The following TLN2 variants were observed in gnomAD, a reference collection of about 807,000 sequenced individuals.
TLN2 encodes the protein talin 2, also known as talin-2.
In TLN2, 118 loss-of-function variants were observed where a neutral mutation model predicts 294.7. The observed-to-expected ratio is 0.40, with a 90% CI of 0.34 to 0.47. The LOEUF is 0.47. TLN2 is among the 20% of genes least tolerant of loss of function. The pLI, the probability that TLN2 is intolerant of heterozygous loss-of-function variation, is 0.84. For missense variants in TLN2, 3,083 were observed against 3,282.2 expected, an observed-to-expected ratio of 0.94 and a Z score of 1.48; for synonymous variants, 1,431 against 1,304.5, an observed-to-expected ratio of 1.10 and a Z score of -2.09.
At chr15:62,738,155 C>T in intron 29 of TLN2, 59 bp from the exon 30 acceptor site, 1 of 1,589,940 alleles carries the variant, frequency 6.3e-7, no homozygotes, top group South Asian at 1.1e-5. Context: ...CTGCCCATTC[C>T]CAACAAATGT....
chr15:62,396,718 C>CT (rs371686423), intron 1 of TLN2, among the ~76,000 whole-genome samples: 11,368 of 145,488 alleles, frequency 0.078, 556 homozygotes, highest in Middle Eastern at 0.19. Context: ...AGAAGGCTTT[C>CT]TTTTTTTTTT....
chr15:62,799,327 A>G (rs1262575778), intron 48 of TLN2, among the ~76,000 whole-genome samples: 1 of 152,154 alleles, frequency 6.6e-6, no homozygotes, highest in Non-Finnish European at 1.5e-5. Context: ...CCCTCAGTAA[A>G]GGGAAAATGT....
intron 26 of TLN2, among the ~76,000 whole-genome samples, chr15:62,724,481 A>G (rs1246382543): frequency 1.3e-5 from 2 of 152,336 alleles, no homozygotes; most frequent in South Asian, 2.1e-4. Flanking sequence ...TTACTAAGGG[A>G]AAAATATTTT....
chr15:62,555,263 A>C (rs1458069490), intron 1 of TLN2, among the ~76,000 whole-genome samples: 2 of 152,206 alleles, frequency 1.3e-5, no homozygotes, highest in African/African-American at 4.8e-5. Context: ...ATAGCAAGCA[A>C]ACTTTTTTTT....
At chr15:62,708,379 G>C in intron 20 of TLN2, 123 bp from the exon 21 acceptor site, 1 of 945,626 alleles carries the variant, frequency 1.1e-6, no homozygotes, top group South Asian at 1.5e-5. Flanking sequence ...AAACCGAGCA[G>C]TGGTCCTGTA....
At chr15:62,753,570 A>G (rs896827129) in intron 35 of TLN2, among the ~76,000 whole-genome samples, 3 of 152,230 alleles carry the variant, frequency 2.0e-5, no homozygotes, top group Non-Finnish European at 2.9e-5. Flanking sequence ...TGAGCCTGTG[A>G]TAAACTACTT....
At chr15:62,559,763 C>G (rs1003902452) in intron 1 of TLN2, among the ~76,000 whole-genome samples, 1 of 152,252 alleles carries the variant, frequency 6.6e-6, no homozygotes, top group African/African-American at 2.4e-5. Flanking sequence ...GAACTGGGGA[C>G]TGAGGCACTG....
chr15:62,643,298 C>G (rs1039676389), intron 3 of TLN2, among the ~76,000 whole-genome samples: 19 of 151,574 alleles, frequency 1.3e-4, no homozygotes, highest in African/African-American at 4.4e-4. Flanking sequence ...CTTGGAAAAA[C>G]TAAATCTTAA....
chr15:62,654,790 A>T (rs2053018739), intron 7 of TLN2, among the ~76,000 whole-genome samples: 1 of 149,990 alleles, frequency 6.7e-6, no homozygotes, highest in Non-Finnish European at 1.5e-5. Context: ...AAAGTAACAG[A>T]ATTCTGTTAC....
intron 1 of TLN2, among the ~76,000 whole-genome samples, chr15:62,453,210 G>A (rs959787491): frequency 8.5e-5 from 13 of 152,070 alleles, no homozygotes; most frequent in African/African-American, 3.1e-4. Flanking sequence ...TTGGGAGATG[G>A]GCAGATTTGA....
intron 11 of TLN2, among the ~76,000 whole-genome samples, chr15:62,681,009 T>G (rs113384044): frequency 0.016 from 2,507 of 152,338 alleles, 85 homozygotes; most frequent in African/African-American, 0.057. Context: ...GTCCACATCT[T>G]TGGCAGTTGT....
At chr15:62,488,316 C>T (rs905173044) in intron 1 of TLN2, among the ~76,000 whole-genome samples, 1 of 152,096 alleles carries the variant, frequency 6.6e-6, no homozygotes, top group African/African-American at 2.4e-5. Flanking sequence ...CGAAGGAGTA[C>T]AGATACTGGT....
intron 1 of TLN2, among the ~76,000 whole-genome samples, chr15:62,549,711 G>A (rs16945266): frequency 0.13 from 20,015 of 152,136 alleles, 1,397 homozygotes; most frequent in African/African-American, 0.18. Context: ...TCTCTCAACC[G>A]GAGGTGTCAG....
At chr15:62,534,706 G>A (rs907671926) in intron 1 of TLN2, among the ~76,000 whole-genome samples, 1 of 152,158 alleles carries the variant, frequency 6.6e-6, no homozygotes, top group African/African-American at 2.4e-5. Flanking sequence ...CTTCTCATCA[G>A]GTTTTGTGAC....
At chr15:62,525,369 A>G (rs7176966) in intron 1 of TLN2, among the ~76,000 whole-genome samples, 80,294 of 152,080 alleles carry the variant, frequency 0.53, 22,269 homozygotes, top group African/African-American at 0.71. Flanking sequence ...ATTAACTTGC[A>G]TATACAGATT....
intron 51 of TLN2, among the ~76,000 whole-genome samples, chr15:62,808,554 C>T (rs538634322): frequency 4.1e-4 from 63 of 152,208 alleles, no homozygotes; most frequent in African/African-American, 1.5e-3. Context: ...GGGTTCTACC[C>T]GGTTACAGAG....
chr15:62,658,033 C>CT, intron 9 of TLN2, 135 bp downstream of exon 9: 2 of 887,822 alleles, frequency 2.3e-6, no homozygotes, highest in Non-Finnish European at 3.3e-6. Context: ...TTTCTTCCAT[C>CT]GAGTAGATGA....
chr15:62,764,848 TC>T, intron 40 of TLN2, among the ~76,000 whole-genome samples: 1 of 151,734 alleles, frequency 6.6e-6, no homozygotes, highest in East Asian at 1.9e-4. Context: ...GCGCCTGTAA[TC>T]CCAGCCACCC....
At chr15:62,470,923 T>A (rs533094198) in intron 1 of TLN2, among the ~76,000 whole-genome samples, 8 of 152,352 alleles carry the variant, frequency 5.3e-5, no homozygotes, top group African/African-American at 1.9e-4. Context: ...CAAAATATAA[T>A]TCTGGGACAT....
Sources: allele counts gnomAD v4.1 joint callset (sites outside exome capture counted in the v4.1 genomes callset), GRCh38; gene constraint gnomAD v4.1.1; transcripts MANE v1.5; gene names NCBI Gene and HGNC (gene_info 2026-07-23, HGNC 2026-07-21).